The following RNF169 variants were observed in gnomAD, a reference collection of about 807,000 sequenced individuals.
RNF169 encodes E3 ubiquitin-protein ligase RNF169.
A neutral mutation model predicts 53.9 loss-of-function variants in RNF169; 24 were observed. The observed-to-expected ratio is 0.45, with a 90% confidence interval of 0.32 to 0.63. The LOEUF is 0.63. RNF169 is among the 20% of genes least tolerant of loss of function. The pLI, the probability that RNF169 is intolerant of heterozygous loss-of-function variation, is 0.04. For synonymous variants in RNF169, 396 were observed against 363.5 expected (o/e 1.09, Z -1.02); for missense variants, 883 against 906.2 (o/e 0.97, Z 0.33).
At chr11:74,753,093 C>T (rs940849976) in intron 1 of RNF169, among the ~76,000 whole-genome samples, 2 of 152,146 alleles carry the variant, frequency 1.3e-5, no homozygotes, top group Non-Finnish European at 2.9e-5. Flanking sequence ...CTCCATCTCC[C>T]GAGTAGCTGG....
intron 2 of RNF169, among the ~76,000 whole-genome samples, chr11:74,809,619 A>G (rs990626703): frequency 1.3e-5 from 2 of 152,240 alleles, no homozygotes; most frequent in African/African-American, 4.8e-5. Context: ...CTGGAGTTCA[A>G]GACCAGCCTG....
intron 5 of RNF169, among the ~76,000 whole-genome samples, chr11:74,835,096 ACCTCAG>A (rs2036233747): frequency 6.6e-6 from 1 of 151,998 alleles, no homozygotes; most frequent in Non-Finnish European, 1.5e-5. Flanking sequence ...AGCCTTTCTC[ACCTCAG>A]CCTCCCAAGT....
At chr11:74,824,761 A>C (rs2036068362) in intron 4 of RNF169, among the ~76,000 whole-genome samples, 1 of 152,252 alleles carries the variant, frequency 6.6e-6, no homozygotes, top group East Asian at 1.9e-4. Context: ...ATGAATCTTT[A>C]GTTTGTAAAA....
At chr11:74,760,808 C>T (rs1465719678) in intron 1 of RNF169, among the ~76,000 whole-genome samples, 1 of 115,326 alleles carries the variant, frequency 8.7e-6, no homozygotes, top group Non-Finnish European at 1.8e-5. Context: ...GTGGAGAGTT[C>T]TGTAGATGTC....
At position 74,811,996 on chromosome 11, in the gene RNF169, A is replaced by G. The variant is rs192776030; in HGVS notation, c.723+1666A>G. On this transcript the variant is annotated intron_variant, in intron 3 of 5. Transcript: ENST00000299563. ...CAGAAGGATAAACTAGCCTTGATAG[A>G]GAGAGCTGACCCTTAACTATGGTCC... 2.4e-3 allele frequency among the ~76,000 whole-genome samples: 367 copies of G among 152,340 alleles called. 1 individual carries two copies. The highest frequency in any genetic ancestry group is 6.8e-3 in the Middle Eastern group (2 of 294).
At position 74,836,446 on chromosome 11, in the gene RNF169, C is replaced by T. The variant is rs144528780; in HGVS notation, c.1843C>T (p.Leu615Phe). ...AGTTGAGAGCCTAAGTGAAGAGCCA[C>T]TTCCTTCTTTGCGTCGAGGCCGGAA... ...VLVESLSEEP[L>F]PSLRRGRKRH... Residue 615 changes from leucine (L) to phenylalanine (F), a missense_variant, in exon 6 of 6, where the codon CTT becomes TTT. Coordinates refer to ENST00000299563, the MANE Select transcript of RNF169 (RefSeq NM_001098638.2). 16 of 1,614,218 alleles carry T rather than the reference C, an allele frequency of 9.9e-6. No individual in the cohort carries two copies. The highest frequency in any genetic ancestry group is 1.4e-5 in the Non-Finnish European group (16 of 1,180,030).
At chr11:74,756,782 TGC>T (rs2034990298) in intron 1 of RNF169, among the ~76,000 whole-genome samples, 1 of 152,160 alleles carries the variant, frequency 6.6e-6, no homozygotes, top group Admixed American at 6.5e-5. Flanking sequence ...AATTGGCAGT[TGC>T]TGAATAATAG....
intron 1 of RNF169, among the ~76,000 whole-genome samples, chr11:74,785,158 T>TATATATATATATATGATATATATATATG (rs2035471070): frequency 1.5e-5 from 2 of 132,584 alleles, no homozygotes; most frequent in South Asian, 2.3e-4. Context: ...CATGTATTTT[T>TATATATATATATATGATATATATATATG]ATATATATAT....
At chr11:74,777,556 G>A (rs114394854) in intron 1 of RNF169, among the ~76,000 whole-genome samples, 3,697 of 152,060 alleles carry the variant, frequency 0.024, 161 homozygotes, top group African/African-American at 0.085. Flanking sequence ...AAGCCTTGTT[G>A]TTGGGGCCAT....
Position 74,835,662 on chromosome 11 carries a change from C to T in RNF169, c.1059C>T (p.Ser353=), listed in dbSNP as rs753613927. Residue 353 remains serine, a synonymous_variant, in exon 6 of 6, where the codon TCC becomes TCT. Transcript: ENST00000299563. The part of the protein sequence containing the change: ...LTIEKRLPFS[S]LSSLASLHKP... ...TCGAAAAGCGTCTACCCTTCAGCTC[C>T]CTTTCATCCTTGGCTTCCCTGCATA... 42 of 1,614,060 alleles carry T rather than the reference C, an allele frequency of 2.6e-5. No individual in the cohort carries two copies. Among genetic ancestry groups the T allele is most frequent in the Non-Finnish European group, 3.5e-5 (41 of 1,180,040 alleles).
chr11:74,838,588 C>T lies in RNF169; in HGVS notation c.*1858C>T, dbSNP rs909308223. On this transcript the variant is annotated 3_prime_UTR_variant, in exon 6 of 6. Transcript: ENST00000299563. ...GTGACTACGTTGGTGGGGAACATCA[C>T]TCACCTGAATGTATGCATTCTGTGT... 2.6e-5 allele frequency: 4 copies of T among 152,240 alleles called. No individual in the cohort carries two copies. The highest frequency in any genetic ancestry group is 9.6e-5 in the African/African-American group (4 of 41,472). 9.4% of individuals were successfully genotyped at this position (152,240 alleles called of 1,614,324 possible). A position where few individuals can be genotyped will look rare whatever the true frequency, so the allele number is the denominator to read the frequency against.
rs1487503822 is a variant in RNF169, at chr11:74,840,432, G to A, written c.*3702G>A. ...CACCGCTTTTCCTTTACTAAGTAAT[G>A]TTATGGAAGGAGAATGAATTTTCTC... is the stretch of plus-strand genomic sequence containing the variant. On this transcript the variant is annotated 3_prime_UTR_variant, in exon 6 of 6. Coordinates refer to ENST00000299563, the MANE Select transcript of RNF169 (RefSeq NM_001098638.2). The A allele has an allele frequency of 6.6e-6, 1 of 152,330 alleles. No individual in the cohort carries two copies. Among genetic ancestry groups the A allele is most frequent in the East Asian group, 1.9e-4 (1 of 5,188 alleles). 9.4% of individuals were successfully genotyped at this position (152,330 alleles called of 1,614,324 possible).
chr11:74,760,395 G>A (rs1290681761), intron 1 of RNF169, among the ~76,000 whole-genome samples: 1 of 151,372 alleles, frequency 6.6e-6, no homozygotes, highest in Non-Finnish European at 1.5e-5. Flanking sequence ...TCTTTTAATT[G>A]TGATGTTAGG....
At chr11:74,828,412 A>G (rs769248705) in intron 4 of RNF169, among the ~76,000 whole-genome samples, 2 of 152,250 alleles carry the variant, frequency 1.3e-5, no homozygotes, top group Non-Finnish European at 2.9e-5. Flanking sequence ...GCCCAAAGCA[A>G]TTTATAGATT....
chr11:74,754,917 A>G (rs998697235), intron 1 of RNF169, among the ~76,000 whole-genome samples: 1 of 152,198 alleles, frequency 6.6e-6, no homozygotes, highest in African/African-American at 2.4e-5. Flanking sequence ...CTGTTCACTT[A>G]GGGTTAACAT....
chr11:74,829,490 A>G (rs1411830690), intron 4 of RNF169, among the ~76,000 whole-genome samples: 3 of 152,220 alleles, frequency 2.0e-5, no homozygotes, highest in Non-Finnish European at 4.4e-5. Flanking sequence ...TCTCATTACT[A>G]GGTATATACA....
chr11:74,838,480 T>TAGTTCCCAAAC lies in RNF169; in HGVS notation c.*1764_*1774dup, dbSNP rs759246074. 1 of 152,232 alleles carries TAGTTCCCAAAC rather than the reference T, an allele frequency of 6.6e-6. No individual in the cohort carries two copies. The highest frequency in any genetic ancestry group is 2.4e-5 in the African/African-American group (1 of 41,456). 9.4% of individuals were successfully genotyped at this position (152,232 alleles called of 1,614,324 possible). A position where few individuals can be genotyped will look rare whatever the true frequency, so the allele number is the denominator to read the frequency against. ...CAGAGCCATTTTCTTGTGCAGCTCA[T>TAGTTCCCAAAC]AGTTCCCAAACAGTTCCCAAACAGA... On this transcript the variant is annotated 3_prime_UTR_variant, in exon 6 of 6. Coordinates refer to ENST00000299563, the MANE Select transcript of RNF169 (RefSeq NM_001098638.2).
intron 2 of RNF169, among the ~76,000 whole-genome samples, chr11:74,808,418 C>A (rs1316875226): frequency 6.6e-6 from 1 of 152,138 alleles, no homozygotes; most frequent in African/African-American, 2.4e-5. Flanking sequence ...TAGTAGCACA[C>A]AGACTCCACT....
intron 1 of RNF169, among the ~76,000 whole-genome samples, chr11:74,772,358 C>A (rs1280343037): frequency 2.0e-5 from 3 of 151,908 alleles, no homozygotes; most frequent in African/African-American, 4.8e-5. Flanking sequence ...AAAGTAAATA[C>A]TACAACCACA....
Sources: allele counts gnomAD v4.1 joint callset (sites outside exome capture counted in the v4.1 genomes callset), GRCh38; gene constraint gnomAD v4.1.1; transcripts MANE v1.5; gene names NCBI Gene and HGNC (gene_info 2026-07-23, HGNC 2026-07-21).